The following PLA1A variants were observed in gnomAD, a reference collection of about 807,000 sequenced individuals.
The protein encoded by PLA1A is phosphatidylserine-specific phospholipase A1alpha.
Under a neutral mutation model 49.4 loss-of-function variants are expected in PLA1A, and 47 were observed. The observed-to-expected ratio is 0.95, with a 90% CI of 0.75 to 1.21. The LOEUF is 1.21. PLA1A is among the 50% of genes most tolerant of loss of function. The pLI is 0.00. For synonymous variants in PLA1A, 224 were observed against 207.9 expected, an observed-to-expected ratio of 1.08 and a Z score of -0.67; for missense variants, 561 against 563.9, an observed-to-expected ratio of 0.99 and a Z score of 0.05.
At chr3:119,615,228 G>T (rs911256697) in intron 5 of PLA1A, among the ~76,000 whole-genome samples, 40 of 152,214 alleles carry the variant, frequency 2.6e-4, no homozygotes, top group Admixed American at 2.4e-3. Context: ...GTCTGCCACA[G>T]CAGAGGGTCC....
rs572080487 is a variant in PLA1A at position 119,600,542 on chromosome 3, GTCT to G, written c.73+2562_73+2564del. On this transcript the variant is annotated intron_variant, in intron 1 of 10. Coordinates refer to ENST00000273371, the MANE Select transcript of PLA1A (RefSeq NM_015900.4). ...CTCCCAAAGGGCAGTTATGGCTGGC[GTCT>G]TCTTCATCCTTGAATCCCCAGAGCC... 8.4e-5 allele frequency: 52 copies of G among 619,570 alleles called. 1 individual carries two copies. The highest frequency in any genetic ancestry group is 1.4e-4 in the Non-Finnish European group (49 of 344,674). The allele number at this position is 619,570 out of a possible 1,614,324, so 38.4% of individuals were successfully genotyped here.
chr3:119,626,658 A>G (rs1190465391), intron 9 of PLA1A, among the ~76,000 whole-genome samples: 1 of 152,074 alleles, frequency 6.6e-6, no homozygotes, highest in Non-Finnish European at 1.5e-5. Flanking sequence ...GAGTTTGGAG[A>G]TATTTCTCGG....
intron 1 of PLA1A, among the ~76,000 whole-genome samples, chr3:119,598,197 C>T (rs1380208163): frequency 1.3e-5 from 2 of 152,032 alleles, no homozygotes; most frequent in African/African-American, 2.4e-5. Flanking sequence ...CCTGGTTATC[C>T]GACTCATTTT....
At chr3:119,615,970 C>T in intron 5 of PLA1A, 42 bp from the exon 6 acceptor site, 1 of 1,323,258 alleles carries the variant, frequency 7.6e-7, no homozygotes, top group Non-Finnish European at 1.1e-6. Context: ...GTGAGCCGAC[C>T]CCCTGAAGTA....
At chr3:119,627,549 C>T (rs1204146858) in intron 9 of PLA1A, among the ~76,000 whole-genome samples, 1 of 152,186 alleles carries the variant, frequency 6.6e-6, no homozygotes, top group African/African-American at 2.4e-5. Context: ...CTAAAAAGAA[C>T]ACAAAGAGGC....
chr3:119,613,162 G>T, intron 5 of PLA1A, 44 bp downstream of exon 5: 3 of 1,340,622 alleles, frequency 2.2e-6, no homozygotes, highest in Non-Finnish European at 3.2e-6. Flanking sequence ...TGAGCTCAAG[G>T]CAGCGCCTAG....
chr3:119,620,076 A>T (rs1022650753), intron 8 of PLA1A: 1 of 458,068 alleles, frequency 2.2e-6, no homozygotes, highest in South Asian at 1.5e-5. Flanking sequence ...CCCTTCACAG[A>T]TGCATTCCAG....
chr3:119,618,294 T>C, intron 7 of PLA1A, 108 bp downstream of exon 7: 2 of 1,032,536 alleles, frequency 1.9e-6, no homozygotes, highest in Non-Finnish European at 2.9e-6. Context: ...TTCTATCCAA[T>C]TTGGGAAAAG....
chr3:119,628,825 A>G lies in PLA1A; in HGVS notation c.1246A>G (p.Ile416Val), dbSNP rs1468402472. The change falls in exon 10 of 11, where the codon ATT (isoleucine) becomes GTT (valine). Residue 416 changes from isoleucine to valine, a missense_variant. Ile to Val is a conservative substitution (Grantham distance 29). Coordinates refer to ENST00000273371, the MANE Select transcript of PLA1A (RefSeq NM_015900.4). ...RVWKKDRTTI[I>V]GKFCTALLPV... Reference sequence around the variant, plus strand: ...TTGGAAAAAAGACCGGACTACCATTATTGGGAAGTTCTGCACTGCCCTTTT... The same window carrying G: ...TTGGAAAAAAGACCGGACTACCATTGTTGGGAAGTTCTGCACTGCCCTTTT... 6.2e-7 allele frequency: 1 copy of G among 1,614,020 alleles called. No individual in the cohort carries two copies. Among genetic ancestry groups the G allele is most frequent in the African/African-American group, 1.3e-5 (1 of 74,944 alleles).
chr3:119,599,564 C>T (rs920950784), intron 1 of PLA1A, among the ~76,000 whole-genome samples: 2 of 152,274 alleles, frequency 1.3e-5, no homozygotes, highest in East Asian at 1.9e-4. Flanking sequence ...GCTCATCTGT[C>T]GGTAAGCCTG....
At chr3:119,622,527 G>A (rs2082957136) in intron 8 of PLA1A, among the ~76,000 whole-genome samples, 1 of 152,162 alleles carries the variant, frequency 6.6e-6, no homozygotes, top group African/African-American at 2.4e-5. Flanking sequence ...ACCTTTTGGT[G>A]AGCCCTGTTC....
In PLA1A at chr3:119,617,936, T is replaced by C; in HGVS notation, c.755-83T>C. ...CATGTATTTACAGCTTGCTGGAATA[T>C]AAAATTCAATAGAGTTTCACTAAAC... is the stretch of plus-strand genomic sequence containing the variant. On this transcript the variant is annotated intron_variant, in intron 6 of 10. Coordinates refer to ENST00000273371, the MANE Select transcript of PLA1A (RefSeq NM_015900.4). The C allele has an allele frequency of 9.0e-6, 10 of 1,106,018 alleles. 1 individual carries two copies. The South Asian group carries it at 1.1e-4, about 12-fold the overall frequency. 68.5% of individuals were successfully genotyped at this position (1,106,018 alleles called of 1,614,324 possible). A position where few individuals can be genotyped will look rare whatever the true frequency, so the allele number is the denominator to read the frequency against.
intron 4 of PLA1A, among the ~76,000 whole-genome samples, chr3:119,612,576 T>C (rs2082780923): frequency 6.6e-6 from 1 of 151,898 alleles, no homozygotes; most frequent in African/African-American, 2.4e-5. Flanking sequence ...GCAACCTCTG[T>C]CTCCCGGGTT....
chr3:119,624,542 A>G (rs915756209), intron 8 of PLA1A, among the ~76,000 whole-genome samples: 4 of 152,350 alleles, frequency 2.6e-5, no homozygotes, highest in African/African-American at 9.6e-5. Flanking sequence ...ACAAAATAAC[A>G]AAAACTAACA....
At position 119,629,699 on chromosome 3, in the gene PLA1A, T is replaced by TGGGCTTTA; in HGVS notation, c.*232_*233insGGCTTTAG. On this transcript the variant is annotated 3_prime_UTR_variant, in exon 11 of 11. Coordinates refer to ENST00000273371, the MANE Select transcript of PLA1A (RefSeq NM_015900.4). Reference sequence around the variant, plus strand: ...GTACATACCCATTTTAGCTTTCCCATGCATACTTAACTGCACTTGCTTTAT... The same window carrying TGGGCTTTA: ...GTACATACCCATTTTAGCTTTCCCATGGGCTTTAGCATACTTAACTGCACTTGCTTTAT... 4.0e-6 allele frequency: 2 copies of TGGGCTTTA among 498,980 alleles called. No individual in the cohort carries two copies. Among genetic ancestry groups the TGGGCTTTA allele is most frequent in the Middle Eastern group, 5.0e-4 (1 of 2,006 alleles). 30.9% of individuals were successfully genotyped at this position (498,980 alleles called of 1,614,324 possible).
At chr3:119,610,810 G>C (rs185979844) in intron 4 of PLA1A, among the ~76,000 whole-genome samples, 147 of 152,252 alleles carry the variant, frequency 9.7e-4, no homozygotes, top group African/African-American at 3.3e-3. Context: ...AAGGTCTTTA[G>C]TTTAATTAAG....
At chr3:119,616,789 G>T (rs771262124) in intron 6 of PLA1A, among the ~76,000 whole-genome samples, 6 of 152,062 alleles carry the variant, frequency 3.9e-5, no homozygotes, top group African/African-American at 1.2e-4. Flanking sequence ...GCTTCTTTTC[G>T]CAATTTGCGA....
intron 6 of PLA1A, among the ~76,000 whole-genome samples, chr3:119,617,052 G>T (rs1168810128): frequency 1.3e-5 from 2 of 152,214 alleles, no homozygotes; most frequent in Non-Finnish European, 2.9e-5. Flanking sequence ...GTCTCAAGGT[G>T]CAGGGAGAGT....
At chr3:119,609,271 G>A (rs145999470) in intron 3 of PLA1A, among the ~76,000 whole-genome samples, 197 bp from the exon 4 acceptor site, 2 of 152,292 alleles carry the variant, frequency 1.3e-5, no homozygotes, top group East Asian at 3.9e-4. Flanking sequence ...GGAGAGTAAG[G>A]GGGTTGTCAG....
Sources: gnomAD v4.1 joint callset for allele counts (sites outside exome capture counted in the v4.1 genomes callset) on GRCh38, gnomAD v4.1.1 for gene constraint, MANE v1.5 for transcripts, NCBI Gene and HGNC (gene_info 2026-07-23, HGNC 2026-07-21) for gene names.